Variants in KLK6 observed in about 807,000 individuals in gnomAD.
KLK6 encodes kallikrein related peptidase 6.
Under a neutral mutation model 21.7 loss-of-function variants are expected in KLK6, and 16 were observed. The ratio of observed to expected loss-of-function variants is 0.74; its 90% confidence interval spans 0.50 to 1.12. The LOEUF is 1.12. KLK6 is among the 50% of genes most tolerant of loss of function. KLK6 has a pLI of 0.00. For synonymous variants in KLK6, 116 were observed against 120.1 expected (o/e 0.97, Z 0.22); for missense variants, 276 against 304.6 (o/e 0.91, Z 0.70).
chr19:50,961,568 T>C (rs2090840386), intron 6 of KLK6, among the ~76,000 whole-genome samples, 176 bp downstream of exon 6: 1 of 152,226 alleles, frequency 6.6e-6, no homozygotes, highest in Non-Finnish European at 1.5e-5. Context: ...TGACTGTGTC[T>C]CTGTGTGTTG....
intron 3 of KLK6, among the ~76,000 whole-genome samples, 162 bp from the exon 4 acceptor site, chr19:50,967,487 C>T (rs966495674): frequency 2.7e-5 from 4 of 146,244 alleles, no homozygotes; most frequent in African/African-American, 5.2e-5. Flanking sequence ...AGACCAGCCT[C>T]GGTAACACAG....
chr19:50,968,726 CA>C (rs1223539513), intron 1 of KLK6, 135 bp from the exon 2 acceptor site: 6 of 155,818 alleles, frequency 3.9e-5, no homozygotes, highest in Middle Eastern at 3.1e-3. Context: ...GCCAGACACA[CA>C]CCCCCAGCTC....
At chr19:50,960,113 A>G (rs1600088215) in intron 6 of KLK6, among the ~76,000 whole-genome samples, 2 of 24,808 alleles carry the variant, frequency 8.1e-5, no homozygotes, top group Admixed American at 5.9e-4. Context: ...GGGGAGGAGG[A>G]TGGAGAGGGG....
At chr19:50,961,549 G>A (rs1381851739) in intron 6 of KLK6, among the ~76,000 whole-genome samples, 195 bp downstream of exon 6, 1 of 152,156 alleles carries the variant, frequency 6.6e-6, no homozygotes, top group South Asian at 2.1e-4. Flanking sequence ...TTATATCTCT[G>A]CATATCCCTG....
chr19:50,960,195 C>A (rs963904600), intron 6 of KLK6, among the ~76,000 whole-genome samples: 2 of 150,116 alleles, frequency 1.3e-5, no homozygotes, highest in Admixed American at 1.3e-4. Context: ...AGGGAGGGCC[C>A]AGGGAGAGAT....
chr19:50,968,379 C>A, intron 2 of KLK6, 162 bp downstream of exon 2: 1 of 543,684 alleles, frequency 1.8e-6, no homozygotes. Flanking sequence ...GATCTTTCTA[C>A]TTTCTTGGGC....
intron 4 of KLK6, among the ~76,000 whole-genome samples, chr19:50,965,354 G>A (rs1052757445): frequency 4.6e-5 from 7 of 151,446 alleles, no homozygotes; most frequent in South Asian, 2.1e-4. Flanking sequence ...GCGCGATCTC[G>A]GCTCACTGCA....
intron 4 of KLK6, among the ~76,000 whole-genome samples, chr19:50,965,477 G>C (rs1444161344): frequency 6.7e-6 from 1 of 149,866 alleles, no homozygotes; most frequent in Non-Finnish European, 1.5e-5. Flanking sequence ...GTAGAGACAG[G>C]GTTGAGCCAT....
rs113782976 is a variant in KLK6, at chr19:50,966,414, T to A, written c.197+755A>T. The stretch of plus-strand genomic sequence containing the variant: ...CCTGGGTTCAAGCCACCCTCCTATG[T>A]CGCCGGATGAAAGCAACAGCCCCCA... On this transcript the variant is annotated intron_variant, in intron 4 of 6. Coordinates refer to ENST00000310157, the MANE Select transcript of KLK6 (RefSeq NM_002774.4). Among the ~76,000 whole-genome samples the A allele has an allele frequency of 5.3e-5, 8 of 152,320 alleles. 1 individual carries two copies. The highest frequency in any genetic ancestry group is 1.9e-4 in the African/African-American group (8 of 41,576).
chr19:50,961,371 C>T (rs925836622), intron 6 of KLK6, among the ~76,000 whole-genome samples: 1 of 150,594 alleles, frequency 6.6e-6, no homozygotes, highest in Non-Finnish European at 1.5e-5. Flanking sequence ...AGGGTTTCAC[C>T]ATGTTGATCA....
At chr19:50,965,053 T>A (rs1000240047) in intron 4 of KLK6, among the ~76,000 whole-genome samples, 1 of 152,214 alleles carries the variant, frequency 6.6e-6, no homozygotes, top group Non-Finnish European at 1.5e-5. Flanking sequence ...TTCTTTTCCT[T>A]CATAATTTGT....
rs563151337 is a variant in KLK6 at position 50,958,944 on chromosome 19, A to C, written c.*220T>G. The C allele has an allele frequency of 5.0e-5, 29 of 585,108 alleles. No individual in the cohort carries two copies. In the African/African-American group the frequency reaches 5.4e-4, roughly 11 times the overall value. The allele number at this position is 585,108 out of a possible 1,614,324, so 36.2% of individuals were successfully genotyped here. On this transcript the variant is annotated 3_prime_UTR_variant, in exon 7 of 7. Coordinates refer to ENST00000310157, the MANE Select transcript of KLK6 (RefSeq NM_002774.4). ...CTGTATTCTCTTAGTGGTGGGGGTA[A>C]GACCGAGGACCCAAGTCCTCACTCA...
rs757512307 is a variant in KLK6 at position 50,961,732 on chromosome 19, G to A, written c.582+12C>T. On this transcript the variant is annotated intron_variant, in intron 6 of 6. Transcript: ENST00000310157. ...CCCTGGCTGTGTAAGTGGCAGATCC[G>A]GGTCACCTCACCTGGCAGGAATCCT... is the stretch of plus-strand genomic sequence containing the variant. 5.6e-6 allele frequency: 9 copies of A among 1,611,618 alleles called. No individual in the cohort carries two copies. Among genetic ancestry groups the A allele is most frequent in the East Asian group, 4.5e-5 (2 of 44,846 alleles).
chr19:50,964,379 A>G (rs990659982), intron 4 of KLK6, among the ~76,000 whole-genome samples: 1 of 152,144 alleles, frequency 6.6e-6, no homozygotes, highest in African/African-American at 2.4e-5. Flanking sequence ...GACCTGCTAT[A>G]TATTTATTGT....
rs752119221 is a variant in KLK6, at chr19:50,959,207, C to T, written c.692G>A (p.Cys231Tyr). Residue 231 changes from cysteine to tyrosine, a missense_variant, in exon 7 of 7, where the codon TGC becomes TAC. Physicochemically the swap from Cys to Tyr is radical, Grantham distance 194. Coordinates refer to ENST00000310157, the MANE Select transcript of KLK6 (RefSeq NM_002774.4). ...KEKPGVYTNVCRYTNWIQKTI... is the reference protein window; with the variant it reads ...KEKPGVYTNVYRYTNWIQKTI... ...TTTTTGGATCCAGTTCGTGTATCTG[C>T]AGACGTTGGTGTAGACTCCTGGCTT... 6.2e-7 allele frequency: 1 copy of T among 1,614,068 alleles called. No individual in the cohort carries two copies. Among genetic ancestry groups the T allele is most frequent in the Non-Finnish European group, 8.5e-7 (1 of 1,180,016 alleles).
At chr19:50,963,735 T>C in intron 4 of KLK6, 186 bp from the exon 5 acceptor site, 1 of 648,928 alleles carries the variant, frequency 1.5e-6, no homozygotes, top group Non-Finnish European at 2.6e-6. Context: ...TTTCATGCCC[T>C]ACATCCAAGC....
chr19:50,963,258 C>T, intron 5 of KLK6, 44 bp downstream of exon 5: 1 of 1,585,118 alleles, frequency 6.3e-7, no homozygotes, highest in Non-Finnish European at 8.6e-7. Context: ...CACACTTCCC[C>T]AAGTAGCCAG....
chr19:50,959,350 A>G (rs542188561), intron 6 of KLK6, 34 bp from the exon 7 acceptor site: 4 of 1,592,628 alleles, frequency 2.5e-6, no homozygotes, highest in African/African-American at 1.4e-5. Flanking sequence ...AGATACAGAT[A>G]GAAACCCAGA....
Position 50,958,680 on chromosome 19 carries a change from T to G in KLK6, c.*484A>C, listed in dbSNP as rs2090755453. 1 of 156,788 alleles carries G rather than the reference T, an allele frequency of 6.4e-6. No homozygotes were observed. 9.7% of individuals were successfully genotyped at this position (156,788 alleles called of 1,614,324 possible). The stretch of plus-strand genomic sequence containing the variant: ...GAGTGCATGGTGGCCCAGGTGCTAT[T>G]CCATGTATGTCATAGGTGTGAAACC... On this transcript the variant is annotated 3_prime_UTR_variant, in exon 7 of 7. Coordinates refer to ENST00000310157, the MANE Select transcript of KLK6 (RefSeq NM_002774.4).
Sources: gnomAD v4.1 joint callset for allele counts (sites outside exome capture counted in the v4.1 genomes callset) on GRCh38, gnomAD v4.1.1 for gene constraint, MANE v1.5 for transcripts, NCBI Gene and HGNC (gene_info 2026-07-23, HGNC 2026-07-21) for gene names.